Variants in SLC44A5 observed in about 807,000 individuals in gnomAD.
The protein encoded by SLC44A5 is choline transporter-like protein 5.
In SLC44A5, 57 loss-of-function variants were observed where a neutral mutation model predicts 101.8. The ratio of observed to expected loss-of-function variants is 0.56; its 90% CI spans 0.45 to 0.70. The LOEUF (loss-of-function observed/expected upper bound fraction) is 0.70. SLC44A5 is among the 30% of genes least tolerant of loss of function. The pLI is 0.00. For missense variants in SLC44A5, 737 were observed against 853.1 expected, an observed-to-expected ratio of 0.86 and a Z score of 1.70; for synonymous variants, 281 against 290.9, an observed-to-expected ratio of 0.97 and a Z score of 0.35.
chr1:75,410,159 C>T (rs1023649903), intron 2 of SLC44A5, among the ~76,000 whole-genome samples: 1 of 151,882 alleles, frequency 6.6e-6, no homozygotes, highest in South Asian at 2.1e-4. Flanking sequence ...TGAAATTGCC[C>T]ATATTTGTAT....
chr1:75,529,593 G>C (rs938652314), intron 2 of SLC44A5, among the ~76,000 whole-genome samples: 22 of 152,124 alleles, frequency 1.4e-4, no homozygotes, highest in Non-Finnish European at 3.2e-4. Context: ...AAGGCAGTCA[G>C]CCTCTTTCTA....
chr1:75,628,105 T>C, the SLC44A5 span, among the ~76,000 whole-genome samples: 1 of 151,924 alleles, frequency 6.6e-6, no homozygotes, highest in East Asian at 1.9e-4. Flanking sequence ...GAGTAGGTGA[T>C]AGGCAGAGTG....
chr1:75,216,310 T>C (rs1646961070), intron 18 of SLC44A5, among the ~76,000 whole-genome samples: 1 of 152,030 alleles, frequency 6.6e-6, no homozygotes, highest in Admixed American at 6.6e-5. Flanking sequence ...TAATATTTGA[T>C]TGTGTGTACA....
chr1:75,250,364 G>A (rs1649464902), intron 7 of SLC44A5, among the ~76,000 whole-genome samples: 2 of 152,038 alleles, frequency 1.3e-5, no homozygotes, highest in South Asian at 4.1e-4. Context: ...AGTATTCCAT[G>A]GTGTATATGT....
rs1323896839 is a variant in SLC44A5 at position 75,288,866 on chromosome 1, T to C, written c.175+11746A>G. ...CTTCCCTCAAGGTTATATGACCTTC[T>C]AGCTCTTTGCCACAATTTAGGCTAC... On this transcript the variant is annotated intron_variant, in intron 5 of 23. Coordinates refer to ENST00000370859, the MANE Select transcript of SLC44A5 (RefSeq NM_001130058.2). 2.0e-5 allele frequency among the ~76,000 whole-genome samples: 3 copies of C among 152,242 alleles called. No individual in the cohort carries two copies. In the East Asian group the frequency reaches 5.8e-4, roughly 29 times the overall value.
At chr1:75,354,475 C>G (rs1481109411) in intron 3 of SLC44A5, among the ~76,000 whole-genome samples, 2 of 152,212 alleles carry the variant, frequency 1.3e-5, no homozygotes, top group Non-Finnish European at 2.9e-5. Context: ...ACTTGATACA[C>G]TGTTTCCTTT....
the SLC44A5 span, among the ~76,000 whole-genome samples, chr1:75,683,654 C>T: frequency 1.3e-5 from 2 of 152,016 alleles, no homozygotes; most frequent in Non-Finnish European, 2.9e-5. Context: ...ATACCTAATG[C>T]TAGATGACGA....
intron 8 of SLC44A5, among the ~76,000 whole-genome samples, chr1:75,242,363 G>GT (rs1017487251): frequency 5.2e-4 from 78 of 150,586 alleles, no homozygotes; most frequent in East Asian, 7.9e-4. Context: ...TTTTTTGTGG[G>GT]TTTTTTTTTC....
the SLC44A5 span, among the ~76,000 whole-genome samples, chr1:75,708,627 G>A: frequency 6.6e-6 from 1 of 151,924 alleles, no homozygotes; most frequent in African/African-American, 2.4e-5. Context: ...TTAGTATATA[G>A]TTTGTGAAAA....
intron 1 of SLC44A5, among the ~76,000 whole-genome samples, chr1:75,599,287 C>A (rs927832099): frequency 6.6e-6 from 1 of 152,106 alleles, no homozygotes; most frequent in Non-Finnish European, 1.5e-5. Flanking sequence ...TTCTAGACAA[C>A]TAGCTTGGAA....
chr1:75,349,500 C>A (rs1570741577), intron 3 of SLC44A5, among the ~76,000 whole-genome samples: 2 of 152,140 alleles, frequency 1.3e-5, no homozygotes, highest in African/African-American at 4.8e-5. Context: ...ACATAGAATT[C>A]TATATCTGGT....
chr1:75,260,976 T>G (rs896950810), intron 6 of SLC44A5, among the ~76,000 whole-genome samples: 8 of 152,140 alleles, frequency 5.3e-5, no homozygotes, highest in African/African-American at 1.7e-4. Context: ...TTGAAACCAA[T>G]GAGAACAAAG....
At chr1:75,567,668 T>C (rs1420512067) in intron 1 of SLC44A5, among the ~76,000 whole-genome samples, 6 of 152,272 alleles carry the variant, frequency 3.9e-5, no homozygotes, top group Non-Finnish European at 7.4e-5. Flanking sequence ...AGAGTTGGCC[T>C]TTCACGGATG....
chr1:75,460,386 AC>A (rs1666434592), intron 2 of SLC44A5, among the ~76,000 whole-genome samples: 1 of 152,200 alleles, frequency 6.6e-6, no homozygotes, highest in South Asian at 2.1e-4. Flanking sequence ...CAAAATGTAA[AC>A]TCAACTTTTG....
intron 1 of SLC44A5, among the ~76,000 whole-genome samples, chr1:75,598,642 G>T (rs1674792498): frequency 6.6e-6 from 1 of 152,100 alleles, no homozygotes; most frequent in African/African-American, 2.4e-5. Context: ...AATGGAGCTG[G>T]AGGCCATCAT....
chr1:75,588,235 G>A (rs1674132227), intron 1 of SLC44A5, among the ~76,000 whole-genome samples: 1 of 143,080 alleles, frequency 7.0e-6, no homozygotes, highest in Non-Finnish European at 1.5e-5. Context: ...AGGGAGGGAG[G>A]GAAGGAAGGA....
At chr1:75,716,806 C>A in the SLC44A5 span, among the ~76,000 whole-genome samples, 4 of 151,538 alleles carry the variant, frequency 2.6e-5, no homozygotes, top group East Asian at 7.9e-4. Context: ...CTGAGGTGGG[C>A]AGATTGCCTG....
intron 2 of SLC44A5, among the ~76,000 whole-genome samples, chr1:75,537,855 G>C (rs780422219): frequency 4.6e-5 from 7 of 152,080 alleles, no homozygotes; most frequent in Non-Finnish European, 1.0e-4. Context: ...TCTAGGCACT[G>C]TGCTGGCCAC....
At position 75,485,488 on chromosome 1, in the gene SLC44A5, T is replaced by A. The variant is rs551232268; in HGVS notation, c.13+55947A>T. Among the ~76,000 whole-genome samples the A allele has an allele frequency of 2.1e-3, 327 of 152,334 alleles. 2 individuals carry two copies. The highest frequency in any genetic ancestry group is 4.1e-3 in the Non-Finnish European group (282 of 68,040). On this transcript the variant is annotated intron_variant, in intron 2 of 23. Transcript: ENST00000370859. ...CATCTGAGACTACCCCAGCCTGGGC[T>A]TCATTGTTCATATCACTATCAGCAT... is the stretch of plus-strand genomic sequence containing the variant.
Sources: gnomAD v4.1 joint callset for allele counts (sites outside exome capture counted in the v4.1 genomes callset) on GRCh38, gnomAD v4.1.1 for gene constraint, MANE v1.5 for transcripts, NCBI Gene and HGNC (gene_info 2026-07-23, HGNC 2026-07-21) for gene names.